NEK9: variants seen among roughly 807,000 people sequenced by gnomAD.
NEK9 encodes serine/threonine-protein kinase Nek9.
NEK9 carries 75 observed loss-of-function variants against 123.4 expected under a neutral mutation model. That is an observed-to-expected ratio of 0.61 (90% CI 0.50 to 0.74). The LOEUF (loss-of-function observed/expected upper bound fraction) is 0.74. Among genes scored for constraint, NEK9 ranks in the 30% least tolerant of loss-of-function variants. The pLI, the probability that NEK9 is intolerant of heterozygous loss-of-function variation, is 0.00. For missense variants in NEK9, 952 were observed against 1,214.4 expected (o/e 0.78, Z 3.21); for synonymous variants, 438 against 458.7 (o/e 0.95, Z 0.58).
rs1393013891 is a variant in NEK9 at position 75,089,912 on chromosome 14, T to C, written c.2443-1271A>G. 3.3e-5 allele frequency among the ~76,000 whole-genome samples: 5 copies of C among 151,816 alleles called. No individual in the cohort carries two copies. In the East Asian group the frequency reaches 9.8e-4, roughly 30 times the overall value. Reference sequence around the variant, plus strand: ...TGGGGTTTCACCATGTTGGCCAGGATGGTCTTGATCTCTTGACCTTGTGAT... The same window carrying C: ...TGGGGTTTCACCATGTTGGCCAGGACGGTCTTGATCTCTTGACCTTGTGAT... On this transcript the variant is annotated intron_variant, in intron 19 of 21. Transcript: ENST00000238616.
intron 19 of NEK9, among the ~76,000 whole-genome samples, chr14:75,090,975 T>C (rs1412382683): frequency 6.6e-6 from 1 of 152,218 alleles, no homozygotes; most frequent in Non-Finnish European, 1.5e-5. Flanking sequence ...CAGTATAAAA[T>C]CTGTAAGCTT....
chr14:75,101,616 T>TC, intron 15 of NEK9, 41 bp downstream of exon 15: 1 of 1,368,572 alleles, frequency 7.3e-7, no homozygotes, highest in Non-Finnish European at 1.0e-6. Flanking sequence ...TAAAAGAGGC[T>TC]CAGCTACTAA....
At chr14:75,107,664 C>T (rs894135212) in intron 10 of NEK9, among the ~76,000 whole-genome samples, 177 bp from the exon 11 acceptor site, 2 of 151,924 alleles carry the variant, frequency 1.3e-5, no homozygotes. Flanking sequence ...CCACCATCCC[C>T]GGCTGAGAGG....
chr14:75,107,133 TTC>T (rs890943800), intron 11 of NEK9, among the ~76,000 whole-genome samples: 22 of 152,212 alleles, frequency 1.4e-4, no homozygotes, highest in Middle Eastern at 3.4e-3. Context: ...ATCCCACCTC[TTC>T]TCTGTTACCC....
rs558989692 is a variant in NEK9 at position 75,108,020 on chromosome 14, A to C, written c.1183-533T>G. Among the ~76,000 whole-genome samples the C allele has an allele frequency of 2.0e-5, 3 of 152,298 alleles. No individual in the cohort carries two copies. The South Asian group carries it at 6.2e-4, about 32-fold the overall frequency. On this transcript the variant is annotated intron_variant, in intron 10 of 21. Coordinates refer to ENST00000238616, the MANE Select transcript of NEK9 (RefSeq NM_033116.6). ...GAAAATCTGTACTAGAAGTTTCATA[A>C]ATTTTGGTCACAGTTTCCCTGAAAC...
chr14:75,122,046 T>A (rs1895355450), intron 2 of NEK9, among the ~76,000 whole-genome samples: 1 of 152,236 alleles, frequency 6.6e-6, no homozygotes, highest in South Asian at 2.1e-4. Context: ...AAGTGTGAAT[T>A]TACTTCTCTC....
In NEK9 at chr14:75,088,610, G is replaced by A; in HGVS notation, c.2474C>T (p.Pro825Leu). ...ELENAEFIPM[P>L]DSPSPLSAAF... ...TGCACTGAGAGGAGATGGGCTGTCA[G>A]GCATGGGGATAAATTCTGCATTTTC... Residue 825 changes from proline (P) to leucine (L), a missense_variant, in exon 20 of 22, where the codon CCT becomes CTT. By Grantham distance (98) the Pro-to-Leu change is moderately conservative. Transcript: ENST00000238616. The A allele has an allele frequency of 6.2e-7, 1 of 1,614,018 alleles. No individual in the cohort carries two copies. The highest frequency in any genetic ancestry group is 8.5e-7 in the Non-Finnish European group (1 of 1,179,976).
intron 8 of NEK9, among the ~76,000 whole-genome samples, chr14:75,111,569 A>C (rs952218538): frequency 2.0e-5 from 3 of 152,208 alleles, no homozygotes; most frequent in Non-Finnish European, 4.4e-5. Context: ...CCTACACTCA[A>C]GAAATAAGAG....
chr14:75,096,866 C>A, intron 17 of NEK9: 2 of 372,550 alleles, frequency 5.4e-6, no homozygotes, highest in Non-Finnish European at 9.5e-6. Context: ...TCTAAGGGGG[C>A]AGGCAGAGCC....
intron 10 of NEK9, among the ~76,000 whole-genome samples, chr14:75,108,125 C>CTT (rs528274966): frequency 4.2e-5 from 6 of 141,986 alleles, no homozygotes; most frequent in Non-Finnish European, 6.2e-5. Flanking sequence ...GACTTTTCAA[C>CTT]TTTTTTTTTT....
chr14:75,107,385 G>A lies in NEK9; in HGVS notation c.1285C>T (p.Arg429Cys), dbSNP rs142863405. Residue 429 changes from arginine (R) to cysteine (C), a missense_variant, in exon 11 of 22, where the codon CGT (arginine) becomes TGT (cysteine). This residue lies in a region of NEK9 where 698 missense variants were observed against 875.6 expected (regional missense o/e 0.80). Coordinates refer to ENST00000238616, the MANE Select transcript of NEK9 (RefSeq NM_033116.6). ...AAATCATCACCACATGACACCTGAC[G>A]GATAGCTTTGCCTTGCAACTTTTCC... Reference protein sequence around the residue: ...HVEKLQGKAIRQVSCGDDFTV... With the variant: ...HVEKLQGKAICQVSCGDDFTV... 1.9e-6 allele frequency: 3 copies of A among 1,613,738 alleles called. No homozygotes were observed. Among genetic ancestry groups the A allele is most frequent in the South Asian group, 1.1e-5 (1 of 91,058 alleles).
intron 5 of NEK9, 92 bp downstream of exon 5, chr14:75,118,738 A>G (rs1895222285): frequency 1.3e-6 from 1 of 773,034 alleles, no homozygotes; most frequent in African/African-American, 1.8e-5. Context: ...ACTTGCAAGA[A>G]TATTGAGAAA....
At chr14:75,104,473 CTAT>C (rs1894704466) in intron 13 of NEK9, among the ~76,000 whole-genome samples, 1 of 140,896 alleles carries the variant, frequency 7.1e-6, no homozygotes, top group Non-Finnish European at 1.5e-5. Flanking sequence ...GCTGAGACTA[CTAT>C]TTTCTTTTCT....
At chr14:75,086,500 A>C (rs993272419) in intron 21 of NEK9, 1 of 156,910 alleles carries the variant, frequency 6.4e-6, no homozygotes, top group African/African-American at 2.4e-5. Context: ...AGTATTGTAA[A>C]AGAAAAAACA....
chr14:75,119,037 C>T (rs1201541955), intron 4 of NEK9, 102 bp from the exon 5 acceptor site: 11 of 702,684 alleles, frequency 1.6e-5, no homozygotes, highest in South Asian at 4.9e-5. Context: ...GAGTGTGGGC[C>T]GGGTACAGTG....
chr14:75,113,239 C>T (rs1011738248), intron 8 of NEK9, 100 bp downstream of exon 8: 1 of 927,520 alleles, frequency 1.1e-6, no homozygotes, highest in Non-Finnish European at 1.7e-6. Flanking sequence ...ACTATTGCAA[C>T]CAAGTCAGGA....
chr14:75,123,560 A>C (rs111547345), intron 2 of NEK9, among the ~76,000 whole-genome samples: 230 of 152,300 alleles, frequency 1.5e-3, no homozygotes, highest in African/African-American at 5.3e-3. Context: ...TACAAGCAAA[A>C]TGATGTGAAG....
At chr14:75,120,981 T>C in intron 3 of NEK9, 138 bp downstream of exon 3, 1 of 755,448 alleles carries the variant, frequency 1.3e-6, no homozygotes, top group Non-Finnish European at 2.3e-6. Flanking sequence ...GTTTCCTTTC[T>C]CATGAATATC....
In NEK9 at chr14:75,080,351, AAAAG is replaced by A. The variant is rs1566633830; in HGVS notation, c.*4209_*4212del. 1.1e-5 allele frequency: 1 copy of A among 87,822 alleles called. No homozygotes were observed. The allele number at this position is 87,822 out of a possible 1,614,324, so 5.4% of individuals were successfully genotyped here. The stretch of plus-strand genomic sequence containing the variant: ...CTCAAAAAAAAAAAAAGAAAAAAAA[AAAAG>A]AAATATCTTTCATCTTTTAAATTTA... On this transcript the variant is annotated 3_prime_UTR_variant, in exon 22 of 22. Transcript: ENST00000238616.
Sources: allele counts gnomAD v4.1 joint callset (sites outside exome capture counted in the v4.1 genomes callset), GRCh38; gene constraint gnomAD v4.1.1; regional missense constraint gnomAD v4.1.1; transcripts MANE v1.5; gene names NCBI Gene and HGNC (gene_info 2026-07-23, HGNC 2026-07-21).